REV1: variants seen among roughly 807,000 people sequenced by gnomAD.
The protein encoded by REV1 is REV1 DNA directed polymerase, also known as translesion synthesis protein REV1.
Under a neutral mutation model 137.4 loss-of-function variants are expected in REV1, and 42 were observed. The ratio of observed to expected loss-of-function variants is 0.31; its 90% CI spans 0.24 to 0.40. REV1 has a LOEUF of 0.40. REV1 is among the 10% of genes least tolerant of loss of function. The pLI is 1.00. For synonymous variants in REV1, 524 were observed against 519.2 expected (o/e 1.01, Z -0.12); for missense variants, 1,282 against 1,490.1 (o/e 0.86, Z 2.30).
Position 99,462,636 on chromosome 2 carries a change from A to G in REV1, c.55-14T>C. On this transcript the variant is annotated splice_polypyrimidine_tract_variant and intron_variant, in intron 2 of 22. Transcript: ENST00000258428. ...CATATACCCACCCTAGAATTAAAGA[A>G]AAGGTAAACCAATCACAAAGGTTAC... is the stretch of plus-strand genomic sequence containing the variant. 6.3e-7 allele frequency: 1 copy of G among 1,595,276 alleles called. No homozygotes were observed. Among genetic ancestry groups the G allele is most frequent in the Non-Finnish European group, 8.5e-7 (1 of 1,175,796 alleles).
intron 1 of REV1, among the ~76,000 whole-genome samples, chr2:99,476,464 G>A (rs552450847): frequency 5.3e-5 from 8 of 152,072 alleles, no homozygotes; most frequent in Non-Finnish European, 8.8e-5. Flanking sequence ...GCTGAGGCAG[G>A]AGAATTGCTT....
chr2:99,436,990 G>T lies in REV1; in HGVS notation c.1214-1049C>A, dbSNP rs112630586. Reference sequence around the variant, plus strand: ...CTAATTCTCCCCCAACTTTTTTTTTGTTTTTTTTTTTTTTTTGAGATAGGG... The same window carrying T: ...CTAATTCTCCCCCAACTTTTTTTTTTTTTTTTTTTTTTTTTTGAGATAGGG... On this transcript the variant is annotated intron_variant, in intron 6 of 22. Coordinates refer to ENST00000258428, the MANE Select transcript of REV1 (RefSeq NM_016316.4). Among the ~76,000 whole-genome samples, 1,159 of 128,684 alleles carry T rather than the reference G, an allele frequency of 9.0e-3. 9 individuals carry two copies. The highest frequency in any genetic ancestry group is 0.07 in the East Asian group (312 of 4,438). The allele number at this position is 128,684 out of a possible 152,430, so 84.4% of individuals were successfully genotyped here. A position where few individuals can be genotyped will look rare whatever the true frequency, so the allele number is the denominator to read the frequency against.
intron 3 of REV1, among the ~76,000 whole-genome samples, chr2:99,451,813 C>T (rs903279421): frequency 6.6e-6 from 1 of 152,064 alleles, no homozygotes; most frequent in African/African-American, 2.4e-5. Context: ...TAGGCTGACA[C>T]ATGGTGACCC....
chr2:99,424,549 A>G, intron 9 of REV1: 1 of 459,646 alleles, frequency 2.2e-6, no homozygotes, highest in East Asian at 5.3e-5. Context: ...GCTTTCTCCT[A>G]AAACTCATAC....
In REV1 at chr2:99,406,541, T is replaced by A. The variant is rs931584005; in HGVS notation, c.2449-51A>T. 5 of 1,420,116 alleles carry A rather than the reference T, an allele frequency of 3.5e-6. No homozygotes were observed. In the African/African-American group the frequency reaches 7.2e-5, roughly 20 times the overall value. 88.0% of individuals were successfully genotyped at this position (1,420,116 alleles called of 1,614,324 possible). A position where few individuals can be genotyped will look rare whatever the true frequency, so the allele number is the denominator to read the frequency against. ...TTCTAGGAAAACTAAAGTGAAAATA[T>A]GAATTCAGCTAAGCAAAATCCTCAG... On this transcript the variant is annotated intron_variant, in intron 15 of 22. Transcript: ENST00000258428.
intron 12 of REV1, among the ~76,000 whole-genome samples, chr2:99,416,933 AG>A (rs1301610570): frequency 1.1e-4 from 17 of 150,382 alleles, no homozygotes; most frequent in African/African-American, 4.1e-4. Context: ...AAAAAAAAAA[AG>A]AAATAAAGTC....
chr2:99,418,462 C>T (rs969909230), intron 12 of REV1, among the ~76,000 whole-genome samples: 7 of 152,148 alleles, frequency 4.6e-5, no homozygotes, highest in Admixed American at 2.0e-4. Flanking sequence ...ATAGGAGAAT[C>T]GAAGCTCAAA....
In REV1 at chr2:99,401,097, T is replaced by G. The variant is rs1249056908; in HGVS notation, c.*144A>C. ...ATGCAATACTGACAAATTTGGCACTTTTTGAAAAGAAATGTACAAAACACT... is the reference window on the plus strand; with the variant it reads ...ATGCAATACTGACAAATTTGGCACTGTTTGAAAAGAAATGTACAAAACACT... On this transcript the variant is annotated 3_prime_UTR_variant, in exon 23 of 23. Transcript: ENST00000258428. 9 of 500,654 alleles carry G rather than the reference T, an allele frequency of 1.8e-5. No homozygotes were observed. The highest frequency in any genetic ancestry group is 1.3e-4 in the African/African-American group (7 of 52,498). The allele number at this position is 500,654 out of a possible 1,614,324, so 31.0% of individuals were successfully genotyped here.
intron 12 of REV1, among the ~76,000 whole-genome samples, chr2:99,416,912 CAAA>C (rs755184253): frequency 1.3e-5 from 1 of 77,854 alleles, no homozygotes; most frequent in African/African-American, 6.0e-5. Flanking sequence ...GACTCCATCT[CAAA>C]AAAAAAAAAA....
intron 3 of REV1, among the ~76,000 whole-genome samples, chr2:99,455,816 AT>A (rs1408862553): frequency 2.0e-5 from 3 of 152,206 alleles, no homozygotes; most frequent in South Asian, 4.1e-4. Context: ...CTTATTTGAA[AT>A]ATAAGTCTGT....
rs150383321 is a variant in REV1 at position 99,429,641 on chromosome 2, G to C, written c.1547+199C>G. On this transcript the variant is annotated intron_variant, in intron 9 of 22. Coordinates refer to ENST00000258428, the MANE Select transcript of REV1 (RefSeq NM_016316.4). ...ACATGACCTATTGGTTCTCATCAGG[G>C]AACTAGTAAGCTGTTTGTTTAAAGT... Among the ~76,000 whole-genome samples, 64 of 150,522 alleles carry C rather than the reference G, an allele frequency of 4.3e-4. No homozygotes were observed. The Middle Eastern group carries it at 0.014, about 32-fold the overall frequency.
chr2:99,465,504 G>A (rs1053313815), intron 1 of REV1, among the ~76,000 whole-genome samples: 16 of 152,164 alleles, frequency 1.1e-4, no homozygotes, highest in African/African-American at 3.6e-4. Flanking sequence ...GATTATCATT[G>A]ATAATAAACT....
rs571530300 is a variant in REV1 at position 99,437,197 on chromosome 2, G to A, written c.1214-1256C>T. 2.6e-5 allele frequency among the ~76,000 whole-genome samples: 4 copies of A among 151,504 alleles called. 1 individual carries two copies. The South Asian group carries it at 8.3e-4, about 32-fold the overall frequency. On this transcript the variant is annotated intron_variant, in intron 6 of 22. Coordinates refer to ENST00000258428, the MANE Select transcript of REV1 (RefSeq NM_016316.4). The stretch of plus-strand genomic sequence containing the variant: ...ACGGTCTCACTGTGTTGCCCAGGTT[G>A]GTCTTGCACTCCTGGGCTCAAGCAA...
At chr2:99,436,999 T>TG (rs1250853092) in intron 6 of REV1, among the ~76,000 whole-genome samples, 1 of 151,220 alleles carries the variant, frequency 6.6e-6, no homozygotes, top group African/African-American at 2.4e-5. Context: ...TGTTTTTTTT[T>TG]TTTTTTTGAG....
In REV1 at chr2:99,404,648, TG is replaced by T; in HGVS notation, c.2840del (p.Pro947HisfsTer8). The T allele has an allele frequency of 6.2e-7, 1 of 1,611,820 alleles. No homozygotes were observed. Among genetic ancestry groups the T allele is most frequent in the Non-Finnish European group, 8.5e-7 (1 of 1,179,500 alleles). ...GCTCTACTTGTTCCCGGAGATCAGG[TG>T]GAAGTGCTTCTAAAACAGACTGATC... ...QLDQSVLEAL[P>X]PDLREQVEQV... is the part of the protein sequence containing the mutation. On this transcript the variant is annotated frameshift_variant, in exon 18 of 23. Coordinates refer to ENST00000258428, the MANE Select transcript of REV1 (RefSeq NM_016316.4). LOFTEE classifies it high-confidence loss of function.
At chr2:99,480,080 G>C (rs963921581) in intron 1 of REV1, among the ~76,000 whole-genome samples, 3 of 152,164 alleles carry the variant, frequency 2.0e-5, no homozygotes, top group African/African-American at 7.2e-5. Context: ...GCACTTTGCG[G>C]GGTTACGGCA....
At chr2:99,465,673 T>C (rs1484829797) in intron 1 of REV1, among the ~76,000 whole-genome samples, 1 of 152,208 alleles carries the variant, frequency 6.6e-6, no homozygotes. Context: ...TGAAACCCCT[T>C]GTAAAGTCAA....
chr2:99,429,941 T>C lies in REV1; in HGVS notation c.1446A>G (p.Ile482Met), dbSNP rs745974787. 1.3e-6 allele frequency: 2 copies of C among 1,571,616 alleles called. No individual in the cohort carries two copies. The highest frequency in any genetic ancestry group is 1.9e-5 in the Admixed American group (1 of 51,664). Residue 482 changes from isoleucine to methionine, a missense_variant, in exon 9 of 23, where the codon ATA (isoleucine) becomes ATG (methionine). Physicochemically the swap from Ile to Met is conservative, Grantham distance 10. This residue lies in a region of REV1 where 432 missense variants were observed against 438.0 expected (regional missense o/e 0.99). Coordinates refer to ENST00000258428, the MANE Select transcript of REV1 (RefSeq NM_016316.4). ...GATTCTCCCACAATGATGAATCTGG[T>C]ATATCTGCTTTAAAAATAAAAAAAA... is the stretch of plus-strand genomic sequence containing the variant. ...NKILKGKAAD[I>M]PDSSLWENPD...
intron 1 of REV1, among the ~76,000 whole-genome samples, chr2:99,477,379 C>A (rs779199243): frequency 5.3e-5 from 8 of 152,184 alleles, no homozygotes; most frequent in Non-Finnish European, 1.0e-4. Context: ...GGAATAAGGA[C>A]AATACCCTAT....
Sources: allele counts gnomAD v4.1 joint callset (sites outside exome capture counted in the v4.1 genomes callset), GRCh38; gene constraint gnomAD v4.1.1; regional missense constraint gnomAD v4.1.1; transcripts MANE v1.5; gene names NCBI Gene and HGNC (gene_info 2026-07-23, HGNC 2026-07-21).